The following EML4 variants were observed in gnomAD, a reference collection of about 807,000 sequenced individuals.
EML4 encodes the protein EMAP like 4.
In EML4, 72 loss-of-function variants were observed where a neutral mutation model predicts 129.0. The ratio of observed to expected loss-of-function variants is 0.56; its 90% CI spans 0.46 to 0.68. The LOEUF (loss-of-function observed/expected upper bound fraction) is 0.68. EML4 is among the 30% of genes least tolerant of loss of function. The pLI, the probability that EML4 is intolerant of heterozygous loss-of-function variation, is 0.00. For missense variants in EML4, 1,363 were observed against 1,190.6 expected (o/e 1.14, Z -2.13); for synonymous variants, 532 against 405.0 (o/e 1.31, Z -3.77).
chr2:42,303,289 T>C (rs765793079), intron 15 of EML4, 26 bp from the exon 16 acceptor site: 18 of 1,613,972 alleles, frequency 1.1e-5, no homozygotes, highest in East Asian at 4.5e-5. Flanking sequence ...TTGGTTCTTA[T>C]AACAATGAGT....
intron 1 of EML4, among the ~76,000 whole-genome samples, chr2:42,182,706 C>G (rs1359890615): frequency 6.6e-6 from 1 of 152,124 alleles, no homozygotes; most frequent in South Asian, 2.1e-4. Context: ...GTCTATTGGT[C>G]TGCTAGAGCT....
chr2:42,259,108 G>A (rs1455823206), intron 3 of EML4, among the ~76,000 whole-genome samples: 2 of 152,112 alleles, frequency 1.3e-5, no homozygotes, highest in Non-Finnish European at 2.9e-5. Flanking sequence ...TTAGCTGGGT[G>A]TGGTGGCGGG....
At chr2:42,183,312 A>G (rs535883188) in intron 1 of EML4, among the ~76,000 whole-genome samples, 3 of 152,352 alleles carry the variant, frequency 2.0e-5, no homozygotes, top group South Asian at 2.1e-4. Context: ...GAGATAGACA[A>G]TAAAGAGTTT....
intron 4 of EML4, 39 bp downstream of exon 4, chr2:42,261,333 G>T: frequency 6.6e-7 from 1 of 1,504,418 alleles, no homozygotes; most frequent in South Asian, 1.3e-5. Context: ...GGGAATGGTT[G>T]TAATGATACC....
chr2:42,315,817 A>G, intron 17 of EML4, 145 bp from the exon 18 acceptor site: 1 of 601,520 alleles, frequency 1.7e-6, no homozygotes, highest in Middle Eastern at 4.6e-4. Flanking sequence ...CAGAAGTTCA[A>G]GGCTGTGGTG....
chr2:42,217,037 T>C (rs1673236622), intron 1 of EML4, among the ~76,000 whole-genome samples: 1 of 152,190 alleles, frequency 6.6e-6, no homozygotes, highest in Non-Finnish European at 1.5e-5. Context: ...AATAAAACAT[T>C]TTTGTTAAGT....
intron 18 of EML4, among the ~76,000 whole-genome samples, chr2:42,317,093 A>C (rs1382176154): frequency 2.0e-5 from 3 of 152,146 alleles, no homozygotes; most frequent in Non-Finnish European, 2.9e-5. Context: ...GACAGATCAT[A>C]TATGCTAGAT....
intron 1 of EML4, among the ~76,000 whole-genome samples, chr2:42,244,453 T>C (rs60780136): frequency 0.057 from 8,719 of 152,274 alleles, 799 homozygotes; most frequent in African/African-American, 0.2. Context: ...TACAGTAGTA[T>C]AGTCTAAAGT....
At chr2:42,317,063 G>T (rs1669282988) in intron 18 of EML4, among the ~76,000 whole-genome samples, 1 of 152,174 alleles carries the variant, frequency 6.6e-6, no homozygotes, top group African/African-American at 2.4e-5. Context: ...GTCTTCCCAA[G>T]AGCACCTGTT....
chr2:42,241,042 G>C (rs534855989), intron 1 of EML4, among the ~76,000 whole-genome samples: 1 of 152,084 alleles, frequency 6.6e-6, no homozygotes, highest in South Asian at 2.1e-4. Flanking sequence ...CAGCTACTCC[G>C]AGCCTCAGCT....
In EML4 at chr2:42,286,812, T is replaced by C. The variant is rs547322721; in HGVS notation, c.1122+433T>C. Reference sequence around the variant, plus strand: ...TATTGGCTTTTCTTGATGTCATATTTGAGCAGCAGAAACAATCAGACCTTT... The same window carrying C: ...TATTGGCTTTTCTTGATGTCATATTCGAGCAGCAGAAACAATCAGACCTTT... On this transcript the variant is annotated intron_variant, in intron 10 of 22. Transcript: ENST00000318522. Among the ~76,000 whole-genome samples, 4 of 152,380 alleles carry C rather than the reference T, an allele frequency of 2.6e-5. No homozygotes were observed. In the South Asian group the frequency reaches 8.3e-4, roughly 32 times the overall value.
chr2:42,255,984 A>T (rs1676123011), intron 2 of EML4, among the ~76,000 whole-genome samples: 1 of 152,246 alleles, frequency 6.6e-6, no homozygotes, highest in Admixed American at 6.5e-5. Context: ...TCTTCTGACC[A>T]CACTAATATA....
At chr2:42,261,928 C>T (rs1665764205) in intron 4 of EML4, among the ~76,000 whole-genome samples, 1 of 152,034 alleles carries the variant, frequency 6.6e-6, no homozygotes, top group South Asian at 2.1e-4. Context: ...GTGTGTGAGC[C>T]TAAATTGAGA....
chr2:42,265,081 A>C, intron 6 of EML4: 2 of 872,282 alleles, frequency 2.3e-6, no homozygotes, highest in Non-Finnish European at 3.6e-6. Flanking sequence ...GAGCTAGATG[A>C]ATCCAGCTAC....
chr2:42,254,053 A>G (rs957021356), intron 2 of EML4, among the ~76,000 whole-genome samples: 1 of 152,248 alleles, frequency 6.6e-6, no homozygotes, highest in East Asian at 1.9e-4. Flanking sequence ...TGAAGAACTC[A>G]TATGCCTCAG....
chr2:42,250,720 A>G (rs1675711809), intron 2 of EML4, among the ~76,000 whole-genome samples: 1 of 147,476 alleles, frequency 6.8e-6, no homozygotes, highest in East Asian at 2.1e-4. Context: ...ATGGAAGACC[A>G]TTGTTCTTCA....
At chr2:42,244,285 G>C (rs943190629) in intron 1 of EML4, among the ~76,000 whole-genome samples, 1 of 151,884 alleles carries the variant, frequency 6.6e-6, no homozygotes, top group Admixed American at 6.6e-5. Flanking sequence ...TTTTAATAGA[G>C]ACTGGATTTC....
chr2:42,193,731 G>C (rs1021247024), intron 1 of EML4, among the ~76,000 whole-genome samples: 2 of 151,510 alleles, frequency 1.3e-5, no homozygotes, highest in African/African-American at 4.9e-5. Flanking sequence ...TGTCACCTAG[G>C]CTGTTGTGCA....
intron 1 of EML4, among the ~76,000 whole-genome samples, chr2:42,178,706 G>T (rs971989758): frequency 7.9e-5 from 12 of 152,172 alleles, no homozygotes; most frequent in African/African-American, 2.4e-4. Flanking sequence ...TGATGGAGTT[G>T]TCTGTGTCTT....
Sources: gnomAD v4.1 joint callset for allele counts (sites outside exome capture counted in the v4.1 genomes callset) on GRCh38, gnomAD v4.1.1 for gene constraint, MANE v1.5 for transcripts, NCBI Gene and HGNC (gene_info 2026-07-23, HGNC 2026-07-21) for gene names.